The following HS3ST4 variants were observed in gnomAD, a reference collection of about 807,000 sequenced individuals.
HS3ST4 encodes heparan sulfate glucosamine 3-O-sulfotransferase 4.
HS3ST4 carries 17 observed loss-of-function variants against 29.2 expected under a neutral mutation model. The observed-to-expected ratio is 0.58, with a 90% CI of 0.40 to 0.87. The LOEUF (loss-of-function observed/expected upper bound fraction) is 0.87. HS3ST4 is among the 40% of genes least tolerant of loss of function. The probability of loss-of-function intolerance (pLI) is 0.00; values close to 1 mark genes in which losing one functional copy is unlikely to be tolerated. For synonymous variants in HS3ST4, 314 were observed against 285.7 expected, an observed-to-expected ratio of 1.10 and a Z score of -1.00; for missense variants, 627 against 634.5, an observed-to-expected ratio of 0.99 and a Z score of 0.13.
chr16:26,123,009 G>A (rs910039745), intron 1 of HS3ST4, among the ~76,000 whole-genome samples: 6 of 151,314 alleles, frequency 4.0e-5, no homozygotes, highest in South Asian at 2.1e-4. Flanking sequence ...AGCTGAGATC[G>A]CGCCACTGCA....
intron 1 of HS3ST4, among the ~76,000 whole-genome samples, chr16:25,736,369 G>C (rs1212660625): frequency 6.6e-6 from 1 of 152,186 alleles, no homozygotes; most frequent in Non-Finnish European, 1.5e-5. Context: ...ACATCTGTGA[G>C]GTGGAGTTTA....
At chr16:26,068,838 T>G (rs1898569399) in intron 1 of HS3ST4, among the ~76,000 whole-genome samples, 1 of 152,176 alleles carries the variant, frequency 6.6e-6, no homozygotes, top group African/African-American at 2.4e-5. Flanking sequence ...GATTTTTGCA[T>G]GTCCAACTTA....
At chr16:25,938,202 A>G (rs1337782600) in intron 1 of HS3ST4, among the ~76,000 whole-genome samples, 1 of 152,104 alleles carries the variant, frequency 6.6e-6, no homozygotes, top group Non-Finnish European at 1.5e-5. Context: ...AGACAAGAAG[A>G]TCAGAGCAAA....
At chr16:25,822,724 C>T (rs1389333533) in intron 1 of HS3ST4, among the ~76,000 whole-genome samples, 1 of 151,648 alleles carries the variant, frequency 6.6e-6, no homozygotes, top group Non-Finnish European at 1.5e-5. Flanking sequence ...GGTGTGTGTT[C>T]CCCCAGGATT....
At chr16:26,127,332 G>A (rs1391751432) in intron 1 of HS3ST4, among the ~76,000 whole-genome samples, 5 of 152,182 alleles carry the variant, frequency 3.3e-5, no homozygotes, top group African/African-American at 4.8e-5. Flanking sequence ...TCCTGTCTGA[G>A]TCAGTCACGA....
intron 1 of HS3ST4, among the ~76,000 whole-genome samples, chr16:26,087,669 AG>A (rs1431364973): frequency 1.3e-5 from 2 of 152,266 alleles, no homozygotes; most frequent in East Asian, 3.9e-4. Flanking sequence ...GCTTGTGACC[AG>A]AAGTGTTTTG....
intron 1 of HS3ST4, among the ~76,000 whole-genome samples, chr16:26,095,879 T>C (rs1215903880): frequency 6.6e-6 from 1 of 151,856 alleles, no homozygotes; most frequent in Non-Finnish European, 1.5e-5. Context: ...GCAAGATTAA[T>C]GAAGAAGAAA....
intron 1 of HS3ST4, among the ~76,000 whole-genome samples, chr16:25,707,895 C>A (rs1745842398): frequency 6.6e-6 from 1 of 152,166 alleles, no homozygotes; most frequent in African/African-American, 2.4e-5. Flanking sequence ...CTCAGGGTGG[C>A]TTTTTCTTGT....
At chr16:26,038,081 T>G (rs925869373) in intron 1 of HS3ST4, among the ~76,000 whole-genome samples, 2 of 152,134 alleles carry the variant, frequency 1.3e-5, no homozygotes, top group African/African-American at 4.8e-5. Flanking sequence ...ACTCACTCTA[T>G]AACCCCTCTC....
chr16:26,098,846 G>A (rs1389921475), intron 1 of HS3ST4, among the ~76,000 whole-genome samples: 1 of 152,138 alleles, frequency 6.6e-6, no homozygotes, highest in East Asian at 1.9e-4. Context: ...GAGGAAAGAA[G>A]GGAGGGTGTT....
chr16:25,914,166 G>A (rs79296572), intron 1 of HS3ST4, among the ~76,000 whole-genome samples: 34,333 of 148,840 alleles, frequency 0.23, 5,745 homozygotes, highest in African/African-American at 0.47. Context: ...TGTATGTGGG[G>A]TGGTGTGGAG....
At chr16:25,703,269 T>G (rs1200126615) in intron 1 of HS3ST4, among the ~76,000 whole-genome samples, 1 of 152,092 alleles carries the variant, frequency 6.6e-6, no homozygotes, top group Non-Finnish European at 1.5e-5. Flanking sequence ...CCATGGTTAT[T>G]TTAGGACGGG....
At chr16:25,786,472 G>GATCATT (rs1363133411) in intron 1 of HS3ST4, among the ~76,000 whole-genome samples, 6 of 152,184 alleles carry the variant, frequency 3.9e-5, no homozygotes, top group Non-Finnish European at 8.8e-5. Context: ...AGGTTACCAA[G>GATCATT]ATCATTATCA....
At chr16:26,018,539 A>G (rs1280109832) in intron 1 of HS3ST4, among the ~76,000 whole-genome samples, 1 of 152,198 alleles carries the variant, frequency 6.6e-6, no homozygotes, top group Non-Finnish European at 1.5e-5. Flanking sequence ...TAGCACTTGC[A>G]GCCTAGAAGA....
At chr16:26,001,977 C>T (rs540868266) in intron 1 of HS3ST4, among the ~76,000 whole-genome samples, 169 of 152,020 alleles carry the variant, frequency 1.1e-3, no homozygotes, top group Non-Finnish European at 1.8e-3. Flanking sequence ...AACATGAGGG[C>T]CAGGGCAAGG....
chr16:25,726,759 T>G (rs1031759354), intron 1 of HS3ST4, among the ~76,000 whole-genome samples: 3 of 152,244 alleles, frequency 2.0e-5, no homozygotes, highest in Admixed American at 6.5e-5. Context: ...GTGATTGGTT[T>G]GATATATGAC....
intron 1 of HS3ST4, among the ~76,000 whole-genome samples, chr16:25,886,168 G>T (rs1023625848): frequency 3.3e-5 from 5 of 151,366 alleles, no homozygotes; most frequent in African/African-American, 1.2e-4. Context: ...GAGTAGCTAG[G>T]ACTACAGGTG....
intron 1 of HS3ST4, among the ~76,000 whole-genome samples, chr16:26,108,372 A>C (rs1046181659): frequency 6.6e-6 from 1 of 152,212 alleles, no homozygotes; most frequent in Non-Finnish European, 1.5e-5. Flanking sequence ...ACTTTTCAGA[A>C]TTAGGAATTA....
At chr16:25,928,446 C>G (rs1968431551) in intron 1 of HS3ST4, among the ~76,000 whole-genome samples, 1 of 152,122 alleles carries the variant, frequency 6.6e-6, no homozygotes, top group Non-Finnish European at 1.5e-5. Flanking sequence ...AAGCCAACAA[C>G]AAAATCACAA....
Sources: allele counts gnomAD v4.1 joint callset (sites outside exome capture counted in the v4.1 genomes callset), GRCh38; gene constraint gnomAD v4.1.1; transcripts MANE v1.5; gene names NCBI Gene and HGNC (gene_info 2026-07-23, HGNC 2026-07-21).